Variants in HIVEP3 observed in about 807,000 individuals in gnomAD.
HIVEP3 encodes HIVEP zinc finger 3, also known as transcription factor HIVEP3.
Under a neutral mutation model 152.8 loss-of-function variants are expected in HIVEP3, and 49 were observed. That is an observed-to-expected ratio of 0.32 (90% CI 0.26 to 0.41). The LOEUF is 0.41. HIVEP3 is among the 10% of genes least tolerant of loss of function. HIVEP3 has a pLI of 1.00. For missense variants in HIVEP3, 2,790 were observed against 3,103.3 expected, an observed-to-expected ratio of 0.90 and a Z score of 2.40; for synonymous variants, 1,269 against 1,289.0, an observed-to-expected ratio of 0.98 and a Z score of 0.33.
chr1:41,763,980 C>T (rs994878648), intron 1 of HIVEP3, among the ~76,000 whole-genome samples: 3 of 152,138 alleles, frequency 2.0e-5, no homozygotes, highest in Non-Finnish European at 4.4e-5. Flanking sequence ...AAGGGCTCTC[C>T]CAGCAGAGGT....
At chr1:42,002,801 C>A (rs949121924) in intron 1 of HIVEP3, among the ~76,000 whole-genome samples, 1 of 151,868 alleles carries the variant, frequency 6.6e-6, no homozygotes, top group South Asian at 2.1e-4. Flanking sequence ...TCCCACCCTG[C>A]CCACATGCTC....
At chr1:41,556,090 A>G (rs1300041099) in intron 5 of HIVEP3, among the ~76,000 whole-genome samples, 1 of 152,192 alleles carries the variant, frequency 6.6e-6, no homozygotes, top group Non-Finnish European at 1.5e-5. Flanking sequence ...ATGCTGCTGA[A>G]CACAGGTGTA....
rs376720974 is a variant in HIVEP3, at chr1:41,830,897, C to T, written c.-801+87516G>A. Among the ~76,000 whole-genome samples the T allele has an allele frequency of 4.6e-5, 7 of 152,306 alleles. No homozygotes were observed. The South Asian group carries it at 6.2e-4, about 14-fold the overall frequency. Reference sequence around the variant, plus strand: ...TCTTGCTGGAAGCTTCTTATCCCTACGCGTTCGTGACTCACTTTATTCATG... The same window carrying T: ...TCTTGCTGGAAGCTTCTTATCCCTATGCGTTCGTGACTCACTTTATTCATG... On this transcript the variant is annotated intron_variant, in intron 1 of 8. Coordinates refer to ENST00000372583, the MANE Select transcript of HIVEP3 (RefSeq NM_024503.5).
At chr1:41,535,354 C>G (rs529524466) in intron 5 of HIVEP3, 1 of 152,326 alleles carries the variant, frequency 6.6e-6, no homozygotes, top group East Asian at 1.9e-4. Context: ...ACCGGAACAC[C>G]ATGATGGGGG....
At chr1:41,739,182 G>T (rs1047031913) in intron 1 of HIVEP3, among the ~76,000 whole-genome samples, 1 of 152,252 alleles carries the variant, frequency 6.6e-6, no homozygotes, top group African/African-American at 2.4e-5. Context: ...GGCCCCAGAC[G>T]GCTGGGGGTT....
At chr1:41,528,914 C>T (rs984929331) in intron 5 of HIVEP3, among the ~76,000 whole-genome samples, 2 of 141,292 alleles carry the variant, frequency 1.4e-5, no homozygotes, top group Non-Finnish European at 3.1e-5. Flanking sequence ...CGCCCTCACA[C>T]CTTCGCACAC....
intron 1 of HIVEP3, among the ~76,000 whole-genome samples, chr1:41,753,483 C>A (rs1048920289): frequency 2.6e-5 from 4 of 152,028 alleles, no homozygotes; most frequent in African/African-American, 9.7e-5. Flanking sequence ...GCCTGGCCAA[C>A]ATGGTGAAAT....
At chr1:41,716,337 C>T (rs6703365) in intron 1 of HIVEP3, among the ~76,000 whole-genome samples, 12,842 of 152,156 alleles carry the variant, frequency 0.084, 1,485 homozygotes, top group African/African-American at 0.24. Context: ...GTTTACAAGG[C>T]GTGGCCATGT....
chr1:41,904,917 G>T lies in HIVEP3; in HGVS notation c.-801+13496C>A, dbSNP rs115060702. 9.5e-3 allele frequency among the ~76,000 whole-genome samples: 1,449 copies of T among 152,310 alleles called. 9 individuals carry two copies. Among genetic ancestry groups the T allele is most frequent in the Middle Eastern group, 0.027 (8 of 294 alleles). On this transcript the variant is annotated intron_variant, in intron 1 of 8. Transcript: ENST00000372583. ...GGCCCTTGGCTTGCAGAAGCGGGAT[G>T]AGCATCTACAACCCTGGCTGTGATG...
At chr1:41,795,684 A>G (rs1649943668) in intron 1 of HIVEP3, among the ~76,000 whole-genome samples, 1 of 152,010 alleles carries the variant, frequency 6.6e-6, no homozygotes, top group South Asian at 2.1e-4. Context: ...ATGTGGTCAG[A>G]TTCTTTGGGT....
intron 3 of HIVEP3, among the ~76,000 whole-genome samples, chr1:41,605,821 G>C (rs1352392272): frequency 6.6e-6 from 1 of 151,996 alleles, no homozygotes; most frequent in African/African-American, 2.4e-5. Context: ...GCATAGTAGT[G>C]GGGGGTGGGG....
intron 4 of HIVEP3, 100 bp downstream of exon 4, chr1:41,579,637 C>A: frequency 1.5e-6 from 2 of 1,375,010 alleles, no homozygotes; most frequent in Non-Finnish European, 9.9e-7. Flanking sequence ...ACTAGTCTGG[C>A]TCTAGTTCTG....
At chr1:41,753,419 G>A (rs2124228237) in intron 1 of HIVEP3, among the ~76,000 whole-genome samples, 1 of 152,260 alleles carries the variant, frequency 6.6e-6, no homozygotes. Context: ...CCAGCACTTT[G>A]GACTTTGGGA....
chr1:41,699,787 G>A (rs1646333853), intron 2 of HIVEP3, among the ~76,000 whole-genome samples: 1 of 151,952 alleles, frequency 6.6e-6, no homozygotes, highest in South Asian at 2.1e-4. Context: ...CTCTCATCTC[G>A]GCCTCCCCAC....
intron 1 of HIVEP3, among the ~76,000 whole-genome samples, chr1:41,807,473 T>C (rs1650702933): frequency 6.6e-6 from 1 of 152,230 alleles, no homozygotes; most frequent in South Asian, 2.1e-4. Flanking sequence ...GAGGGACCTG[T>C]ATGGAGACTG....
At chr1:42,029,897 T>TG (rs1409971650) in intron 1 of HIVEP3, among the ~76,000 whole-genome samples, 3 of 152,168 alleles carry the variant, frequency 2.0e-5, no homozygotes, top group African/African-American at 7.2e-5. Context: ...GGAGACACAA[T>TG]TGGGAAAAGA....
intron 3 of HIVEP3, among the ~76,000 whole-genome samples, chr1:41,625,675 C>T (rs1014819843): frequency 7.2e-5 from 11 of 152,148 alleles, no homozygotes; most frequent in Admixed American, 2.0e-4. Context: ...TTTGAGGCTG[C>T]AGTGAGCTAT....
chr1:41,798,825 T>A (rs1444393144), intron 1 of HIVEP3, among the ~76,000 whole-genome samples: 1 of 152,228 alleles, frequency 6.6e-6, no homozygotes, highest in Non-Finnish European at 1.5e-5. Context: ...TCCTTTCTAG[T>A]GGATTTACAA....
intron 3 of HIVEP3, among the ~76,000 whole-genome samples, chr1:41,626,234 G>A (rs77522909): frequency 0.02 from 3,048 of 152,326 alleles, 51 homozygotes; most frequent in Non-Finnish European, 0.028. Flanking sequence ...TGTCTTGTTC[G>A]GATGCCATAT....
Sources: allele counts gnomAD v4.1 joint callset (sites outside exome capture counted in the v4.1 genomes callset), GRCh38; gene constraint gnomAD v4.1.1; transcripts MANE v1.5; gene names NCBI Gene and HGNC (gene_info 2026-07-23, HGNC 2026-07-21).